The following NCKAP5 variants were observed in gnomAD, a reference collection of about 807,000 sequenced individuals.
NCKAP5 encodes NCK associated protein 5, also known as nck-associated protein 5.
NCKAP5 carries 92 observed loss-of-function variants against 167.0 expected under a neutral mutation model. The ratio of observed to expected loss-of-function variants is 0.55; its 90% confidence interval spans 0.47 to 0.66. The LOEUF is 0.66. Ranked by LOEUF, NCKAP5 falls within the 30% of genes least tolerant of loss-of-function variation. NCKAP5 has a pLI of 0.00. For missense variants in NCKAP5, 2,378 were observed against 2,315.0 expected (o/e 1.03, Z -0.56); for synonymous variants, 891 against 877.4 (o/e 1.02, Z -0.27).
chr2:132,706,940 A>G (rs866713583), intron 19 of NCKAP5, among the ~76,000 whole-genome samples: 1 of 152,216 alleles, frequency 6.6e-6, no homozygotes, highest in Non-Finnish European at 1.5e-5. Flanking sequence ...TAAAAAGAAC[A>G]TAAGAAGCTG....
chr2:132,705,009 A>G (rs527750931), intron 19 of NCKAP5, among the ~76,000 whole-genome samples: 2 of 152,294 alleles, frequency 1.3e-5, no homozygotes, highest in African/African-American at 4.8e-5. Flanking sequence ...ACTTATACTT[A>G]ACTCTCAGTT....
intron 6 of NCKAP5, among the ~76,000 whole-genome samples, chr2:133,021,781 C>T (rs183569092): frequency 3.8e-4 from 58 of 152,280 alleles, no homozygotes; most frequent in African/African-American, 1.3e-3. Context: ...CAGGTACATG[C>T]CACCACGCCT....
At chr2:133,322,946 C>T (rs962099256) in intron 3 of NCKAP5, among the ~76,000 whole-genome samples, 2 of 152,198 alleles carry the variant, frequency 1.3e-5, no homozygotes, top group Non-Finnish European at 2.9e-5. Context: ...GTTGATGCTG[C>T]TTGTCCAGGG....
chr2:133,000,044 A>G (rs2149328347), intron 6 of NCKAP5, among the ~76,000 whole-genome samples: 1 of 152,298 alleles, frequency 6.6e-6, no homozygotes, highest in East Asian at 1.9e-4. Context: ...CTACTTAATA[A>G]TGAAATTAAC....
At chr2:133,577,537 C>T in the NCKAP5 span, among the ~76,000 whole-genome samples, 48 of 151,698 alleles carry the variant, frequency 3.2e-4, no homozygotes, top group East Asian at 9.1e-3. Flanking sequence ...TATTATTATA[C>T]TTTAAGTTTT....
intron 4 of NCKAP5, among the ~76,000 whole-genome samples, chr2:133,264,801 G>A (rs1262588938): frequency 6.6e-6 from 1 of 152,174 alleles, no homozygotes; most frequent in Non-Finnish European, 1.5e-5. Flanking sequence ...AAATTTATTA[G>A]TCCAGAAAAT....
At chr2:132,742,475 T>C (rs1679289696) in intron 16 of NCKAP5, among the ~76,000 whole-genome samples, 1 of 151,954 alleles carries the variant, frequency 6.6e-6, no homozygotes, top group South Asian at 2.1e-4. Flanking sequence ...TACAGGAGCA[T>C]TGGAGCCAGA....
At chr2:133,066,729 C>G (rs965755899) in intron 6 of NCKAP5, among the ~76,000 whole-genome samples, 1 of 152,180 alleles carries the variant, frequency 6.6e-6, no homozygotes, top group African/African-American at 2.4e-5. Context: ...AATAGCCAGT[C>G]TGCAAAAATT....
At chr2:132,945,473 G>T (rs1200773383) in intron 8 of NCKAP5, among the ~76,000 whole-genome samples, 3 of 152,022 alleles carry the variant, frequency 2.0e-5, no homozygotes, top group Non-Finnish European at 4.4e-5. Context: ...TATCCCAACA[G>T]CTGGATGCGT....
the NCKAP5 span, among the ~76,000 whole-genome samples, chr2:133,627,424 T>G: frequency 6.6e-6 from 1 of 152,178 alleles, no homozygotes; most frequent in African/African-American, 2.4e-5. Flanking sequence ...AGAATGCTGT[T>G]AGAAATACAA....
At chr2:133,365,618 A>C (rs1272020486) in intron 3 of NCKAP5, among the ~76,000 whole-genome samples, 1 of 152,190 alleles carries the variant, frequency 6.6e-6, no homozygotes, top group Non-Finnish European at 1.5e-5. Flanking sequence ...AAGGGTTGTT[A>C]ATTTTCTCAC....
intron 19 of NCKAP5, among the ~76,000 whole-genome samples, chr2:132,689,442 T>C (rs560840045): frequency 6.6e-6 from 1 of 152,310 alleles, no homozygotes; most frequent in African/African-American, 2.4e-5. Flanking sequence ...CTTCTTTCCA[T>C]GAGGGATTCA....
intron 4 of NCKAP5, among the ~76,000 whole-genome samples, chr2:133,219,186 G>A (rs1167467079): frequency 1.3e-5 from 2 of 152,176 alleles, no homozygotes; most frequent in Admixed American, 1.3e-4. Context: ...GGAAACAGGT[G>A]ATGCAAACAT....
At chr2:133,016,387 T>C (rs887259487) in intron 6 of NCKAP5, among the ~76,000 whole-genome samples, 3 of 152,232 alleles carry the variant, frequency 2.0e-5, no homozygotes, top group Non-Finnish European at 4.4e-5. Context: ...CCTGTTTTGA[T>C]AATAGCGGCT....
chr2:133,150,405 A>G (rs2083347035), intron 5 of NCKAP5, among the ~76,000 whole-genome samples: 1 of 152,174 alleles, frequency 6.6e-6, no homozygotes, highest in Non-Finnish European at 1.5e-5. Flanking sequence ...AATGGAGCAT[A>G]TATACTGAAG....
At chr2:133,545,579 C>T (rs943938888) in intron 2 of NCKAP5, among the ~76,000 whole-genome samples, 1 of 152,082 alleles carries the variant, frequency 6.6e-6, no homozygotes, top group Non-Finnish European at 1.5e-5. Context: ...GGCTCCAAGT[C>T]GAATCTACCT....
At chr2:132,879,001 A>T (rs1183770854) in intron 8 of NCKAP5, 85 bp from the exon 9 acceptor site, 1 of 1,032,524 alleles carries the variant, frequency 9.7e-7, no homozygotes, top group Admixed American at 1.8e-5. Context: ...TACTAAATAT[A>T]TCTCCTCGTG....
At position 132,783,913 on chromosome 2, in the gene NCKAP5, C is replaced by T; in HGVS notation, c.2898G>A (p.Arg966=). The T allele has an allele frequency of 6.4e-7, 1 of 1,560,936 alleles. No individual in the cohort carries two copies. Among genetic ancestry groups the T allele is most frequent in the Non-Finnish European group, 8.6e-7 (1 of 1,158,476 alleles). The change falls in exon 14 of 20, where the codon AGG becomes AGA. Residue 966 remains arginine, a synonymous_variant. Coordinates refer to ENST00000409261, the MANE Select transcript of NCKAP5 (RefSeq NM_207363.3). ...SETRVPSETA[R]TPFKSPLLKG... ...TCAGCAGCGGGGATTTGAATGGGGT[C>T]CTTGCTGTTTCACTGGGGACCCTGG...
chr2:133,178,683 G>A (rs1559230165), intron 5 of NCKAP5, among the ~76,000 whole-genome samples: 1 of 151,330 alleles, frequency 6.6e-6, no homozygotes, highest in Non-Finnish European at 1.5e-5. Flanking sequence ...AAATTAGCCA[G>A]GCGCGGTGGC....
Sources: gnomAD v4.1 joint callset for allele counts (sites outside exome capture counted in the v4.1 genomes callset) on GRCh38, gnomAD v4.1.1 for gene constraint, MANE v1.5 for transcripts, NCBI Gene and HGNC (gene_info 2026-07-23, HGNC 2026-07-21) for gene names.